The following CAPZA2 variants were observed in gnomAD, a reference collection of about 807,000 sequenced individuals.
The protein encoded by CAPZA2 is F-actin-capping protein subunit alpha-2.
CAPZA2 carries 13 observed loss-of-function variants against 44.0 expected under a neutral mutation model. The ratio of observed to expected loss-of-function variants is 0.30; its 90% CI spans 0.19 to 0.47. CAPZA2 has a LOEUF of 0.47. Ranked by LOEUF, CAPZA2 falls within the 20% of genes least tolerant of loss-of-function variation. CAPZA2 has a pLI of 1.00. For missense variants in CAPZA2, 244 were observed against 338.6 expected (o/e 0.72, Z 2.19); for synonymous variants, 94 against 108.2 (o/e 0.87, Z 0.81).
Position 116,919,868 on chromosome 7 carries a change from AAATAATAATAAT to A in CAPZA2, c.*2015_*2026del, listed in dbSNP as rs546732285. Reference sequence around the variant, plus strand: ...TGACAGAGCAAGACTCTGTCTCAAAAAATAATAATAATAATAATAATAATATAATTTAGAACA... The same window carrying A: ...TGACAGAGCAAGACTCTGTCTCAAAAAATAATAATAATATAATTTAGAACA... On this transcript the variant is annotated 3_prime_UTR_variant, in exon 10 of 10. Coordinates refer to ENST00000361183, the MANE Select transcript of CAPZA2 (RefSeq NM_006136.3). 1 of 149,198 alleles carries A rather than the reference AAATAATAATAAT, an allele frequency of 6.7e-6. No individual in the cohort carries two copies. Among genetic ancestry groups the A allele is most frequent in the Non-Finnish European group, 1.5e-5 (1 of 67,386 alleles). The allele number at this position is 149,198 out of a possible 1,614,324, so 9.2% of individuals were successfully genotyped here. A position where few individuals can be genotyped will look rare whatever the true frequency, so the allele number is the denominator to read the frequency against.
At chr7:116,912,660 C>T (rs761210941) in intron 8 of CAPZA2, among the ~76,000 whole-genome samples, 3 of 152,066 alleles carry the variant, frequency 2.0e-5, no homozygotes, top group Non-Finnish European at 4.4e-5. Flanking sequence ...TGTATTAGTA[C>T]GTTGTTCCTT....
chr7:116,874,499 G>A (rs1486914653), intron 1 of CAPZA2: 4 of 152,232 alleles, frequency 2.6e-5, no homozygotes, highest in Non-Finnish European at 4.4e-5. Flanking sequence ...ATGTAGGCAC[G>A]TTGTATACAA....
At chr7:116,903,396 C>A (rs1318048462) in intron 4 of CAPZA2, among the ~76,000 whole-genome samples, 1 of 151,730 alleles carries the variant, frequency 6.6e-6, no homozygotes, top group Non-Finnish European at 1.5e-5. Context: ...CAAGTATAGA[C>A]ATGTGTATAT....
chr7:116,868,204 A>G (rs1796506777), intron 1 of CAPZA2, among the ~76,000 whole-genome samples: 2 of 152,174 alleles, frequency 1.3e-5, no homozygotes, highest in African/African-American at 4.8e-5. Context: ...GTTAGTATTA[A>G]ATACAATTTT....
chr7:116,864,767 G>A (rs1341832907), intron 1 of CAPZA2, among the ~76,000 whole-genome samples: 1 of 152,042 alleles, frequency 6.6e-6, no homozygotes, highest in Non-Finnish European at 1.5e-5. Flanking sequence ...AGCTGGGCAC[G>A]GTGGTTTGCA....
chr7:116,917,998 G>C lies in CAPZA2; in HGVS notation c.*131G>C. The C allele has an allele frequency of 1.5e-6, 1 of 652,074 alleles. No individual in the cohort carries two copies. The highest frequency in any genetic ancestry group is 1.9e-5 in the South Asian group (1 of 52,736). 40.4% of individuals were successfully genotyped at this position (652,074 alleles called of 1,614,324 possible). ...TAAAATCACTGTAATTAATTAGTTT[G>C]ATTAGAGCACAAAGCTTAGCTAATC... On this transcript the variant is annotated 3_prime_UTR_variant, in exon 10 of 10. Transcript: ENST00000361183.
chr7:116,916,066 G>A lies in CAPZA2; in HGVS notation c.664G>A (p.Val222Met). The A allele has an allele frequency of 3.4e-6, 5 of 1,474,470 alleles. No homozygotes were observed. The highest frequency in any genetic ancestry group is 4.5e-6 in the Non-Finnish European group (5 of 1,103,536). 91.3% of individuals were successfully genotyped at this position (1,474,470 alleles called of 1,614,324 possible). A position where few individuals can be genotyped will look rare whatever the true frequency, so the allele number is the denominator to read the frequency against. Residue 222 changes from valine to methionine, a missense_variant, in exon 9 of 10, where the codon GTG (valine) becomes ATG (methionine). Transcript: ENST00000361183. ...TTGTTTTTTTTTTTTTCAGAATGAA[G>A]TGCAAACAGCAAAAGAATTTATAAA... ...IQDSLTVSNEVQTAKEFIKIV... is the reference protein window; with the variant it reads ...IQDSLTVSNEMQTAKEFIKIV...
intron 8 of CAPZA2, among the ~76,000 whole-genome samples, chr7:116,914,154 A>T (rs953258902): frequency 6.6e-6 from 1 of 150,680 alleles, no homozygotes; most frequent in Non-Finnish European, 1.5e-5. Flanking sequence ...CAGCCTCCCG[A>T]GTAGCTGGGA....
intron 8 of CAPZA2, among the ~76,000 whole-genome samples, chr7:116,914,818 TTGGTACTCTCCTTGCAAAA>T (rs1406970020): frequency 6.6e-6 from 1 of 152,226 alleles, no homozygotes; most frequent in African/African-American, 2.4e-5. Context: ...TTTGACCTAA[TTGGTACTCTCCTTGCAAAA>T]TTTGCCAGTG....
intron 1 of CAPZA2, among the ~76,000 whole-genome samples, chr7:116,867,511 C>G (rs1415280217): frequency 6.6e-6 from 1 of 151,650 alleles, no homozygotes; most frequent in Non-Finnish European, 1.5e-5. Flanking sequence ...ATTTTCAATA[C>G]GTATTGTTAC....
chr7:116,895,793 C>G (rs1796917609), intron 3 of CAPZA2, among the ~76,000 whole-genome samples: 1 of 152,016 alleles, frequency 6.6e-6, no homozygotes, highest in East Asian at 1.9e-4. Flanking sequence ...TACTGTAAGT[C>G]ACTGATTGAC....
chr7:116,889,546 GC>G, intron 2 of CAPZA2, among the ~76,000 whole-genome samples: 1 of 147,910 alleles, frequency 6.8e-6, no homozygotes, highest in Non-Finnish European at 1.5e-5. Flanking sequence ...ACATAGTGAG[GC>G]CCCCCTCCCC....
intron 8 of CAPZA2, among the ~76,000 whole-genome samples, chr7:116,912,678 C>T (rs1266416137): frequency 6.6e-6 from 1 of 152,094 alleles, no homozygotes; most frequent in Non-Finnish European, 1.5e-5. Flanking sequence ...CTTTTTATTG[C>T]CAAATAATAC....
intron 6 of CAPZA2, among the ~76,000 whole-genome samples, chr7:116,908,932 G>C (rs1791550652): frequency 6.6e-6 from 1 of 152,202 alleles, no homozygotes; most frequent in East Asian, 1.9e-4. Context: ...GTAACTGTAA[G>C]TATGAGAATA....
At chr7:116,870,422 T>C (rs1028225173) in intron 1 of CAPZA2, among the ~76,000 whole-genome samples, 8 of 152,210 alleles carry the variant, frequency 5.3e-5, no homozygotes, top group South Asian at 2.1e-4. Context: ...CTACTCTATA[T>C]TTGGTACTTT....
intron 8 of CAPZA2, among the ~76,000 whole-genome samples, chr7:116,914,324 C>T (rs754606538): frequency 7.9e-5 from 12 of 151,872 alleles, no homozygotes; most frequent in Admixed American, 4.6e-4. Flanking sequence ...CCACTGCGCC[C>T]GGCCAGAAAA....
chr7:116,899,710 C>T (rs1398981136), intron 4 of CAPZA2, among the ~76,000 whole-genome samples: 2 of 146,468 alleles, frequency 1.4e-5, no homozygotes, highest in Non-Finnish European at 3.0e-5. Context: ...CCATATTAAA[C>T]ATCTTTGTAC....
intron 2 of CAPZA2, among the ~76,000 whole-genome samples, chr7:116,891,759 C>T (rs1708628706): frequency 6.6e-6 from 1 of 152,198 alleles, no homozygotes; most frequent in Admixed American, 6.5e-5. Flanking sequence ...GATCCACCCT[C>T]TTCGGCCTCC....
intron 1 of CAPZA2, chr7:116,880,042 C>T (rs1269324530): frequency 2.2e-6 from 1 of 463,916 alleles, no homozygotes; most frequent in African/African-American, 2.0e-5. Flanking sequence ...TTCTCCCGCT[C>T]TGATTGATTT....
Sources: gnomAD v4.1 joint callset for allele counts (sites outside exome capture counted in the v4.1 genomes callset) on GRCh38, gnomAD v4.1.1 for gene constraint, MANE v1.5 for transcripts, NCBI Gene and HGNC (gene_info 2026-07-23, HGNC 2026-07-21) for gene names.